Variants in DLG4 observed in about 807,000 individuals in gnomAD.
DLG4 encodes disks large homolog 4.
Under a neutral mutation model 93.8 loss-of-function variants are expected in DLG4, and 7 were observed. The ratio of observed to expected loss-of-function variants is 0.07; its 90% CI spans 0.04 to 0.14. The LOEUF (loss-of-function observed/expected upper bound fraction) is 0.14. DLG4 is among the 10% of genes least tolerant of loss of function. DLG4 has a pLI of 1.00. For synonymous variants in DLG4, 341 were observed against 387.6 expected, an observed-to-expected ratio of 0.88 and a Z score of 1.41; for missense variants, 545 against 992.9, an observed-to-expected ratio of 0.55 and a Z score of 6.06.
In DLG4 at chr17:7,194,448, T is replaced by A; in HGVS notation, c.1349A>T (p.Gln450Leu). Residue 450 changes from glutamine (Q) to leucine (L), a missense_variant, in exon 12 of 20, where the codon CAG becomes CTG. By Grantham distance (113) the Gln-to-Leu change is moderately radical. This residue lies in a region of DLG4 where 428 missense variants were observed against 741.4 expected (regional missense o/e 0.58). Transcript: ENST00000399506. The surrounding 1 kb of genome is among the most constrained non-coding windows in gnomAD (Gnocchi z 4.4). ...ATCCCCAAAGCGGAAGCTCAGGGCC[T>A]GGCTCAGGAAGCCGCAGTCCTTGGT... Reference protein sequence around the residue: ...DKTKDCGFLSQALSFRFGDVL... With the variant: ...DKTKDCGFLSLALSFRFGDVL... 6.2e-7 allele frequency: 1 copy of A among 1,611,648 alleles called. No homozygotes were observed.
In DLG4 at chr17:7,192,932, C is replaced by G; in HGVS notation, c.1866+13G>C. ...GGGAGAAGGAAGAGGACCGGGTGCCCGCCAGGTCCTACCTGCTCTGCCACC... is the reference window on the plus strand; with the variant it reads ...GGGAGAAGGAAGAGGACCGGGTGCCGGCCAGGTCCTACCTGCTCTGCCACC... On this transcript the variant is annotated intron_variant, in intron 17 of 19. Coordinates refer to ENST00000399506, the MANE Select transcript of DLG4 (RefSeq NM_001321075.3). The G allele has an allele frequency of 6.2e-7, 1 of 1,602,196 alleles. No individual in the cohort carries two copies. Among genetic ancestry groups the G allele is most frequent in the Non-Finnish European group, 8.5e-7 (1 of 1,173,948 alleles).
chr17:7,197,191 AG>A, intron 8 of DLG4, 139 bp from the exon 9 acceptor site: 1 of 799,996 alleles, frequency 1.3e-6, no homozygotes, highest in Non-Finnish European at 1.9e-6. Context: ...TGGGGTGGTA[AG>A]GGGATATCAG....
In DLG4 at chr17:7,193,479, T is replaced by C; in HGVS notation, c.1693+4A>G. The C allele has an allele frequency of 6.5e-7, 1 of 1,529,936 alleles. No homozygotes were observed. The highest frequency in any genetic ancestry group is 8.7e-7 in the Non-Finnish European group (1 of 1,144,676). 94.8% of individuals were successfully genotyped at this position (1,529,936 alleles called of 1,614,324 possible). On this transcript the variant is annotated splice_donor_region_variant and intron_variant, in intron 16 of 19. Coordinates refer to ENST00000399506, the MANE Select transcript of DLG4 (RefSeq NM_001321075.3). The surrounding 1 kb of genome is among the most constrained non-coding windows in gnomAD (Gnocchi z 6.7). ...TCTCCTCCATCCAAGGCCCCAGCAC[T>C]CACGGGGAACACAGGATCCAAACTT...
At position 7,188,113 on chromosome 17, in the gene DLG4, C is replaced by A. The variant is rs1044653752; in HGVS notation, c.*2595G>T. Among the ~76,000 whole-genome samples, 4 of 151,874 alleles carry A rather than the reference C, an allele frequency of 2.6e-5. No individual in the cohort carries two copies. The highest frequency in any genetic ancestry group is 9.7e-5 in the African/African-American group (4 of 41,336). Reference sequence around the variant, plus strand: ...AATCCTCTGAAGCAGTGCTTCTCCACCCAGTGAGACATCAAAATCACCCGG... The same window carrying A: ...AATCCTCTGAAGCAGTGCTTCTCCAACCAGTGAGACATCAAAATCACCCGG... On this transcript the variant is annotated 3_prime_UTR_variant, in exon 20 of 20. Coordinates refer to ENST00000399506, the MANE Select transcript of DLG4 (RefSeq NM_001321075.3).
chr17:7,211,796 C>T lies in DLG4; in HGVS notation c.31-3557G>A. 3.3e-5 allele frequency: 2 copies of T among 61,054 alleles called. 1 individual carries two copies. The highest frequency in any genetic ancestry group is 5.9e-5 in the Non-Finnish European group (2 of 33,640). The allele number at this position is 61,054 out of a possible 1,614,324, so 3.8% of individuals were successfully genotyped here. On this transcript the variant is annotated intron_variant, in intron 1 of 19. Coordinates refer to ENST00000399506, the MANE Select transcript of DLG4 (RefSeq NM_001321075.3). ...AGGGGCAGAGGGGCGGGGGCTGCGG[C>T]GGCCGCGGCAACTGGAGGCTGCGGC...
chr17:7,201,555 A>C (rs547455014), intron 8 of DLG4, among the ~76,000 whole-genome samples: 27 of 152,314 alleles, frequency 1.8e-4, no homozygotes, highest in Non-Finnish European at 2.5e-4. Context: ...GAAGAATAAT[A>C]GCAGTGGGAA....
rs2070991076 is a variant in DLG4, at chr17:7,217,621, G to A, written c.-474C>T. On this transcript the variant is annotated 5_prime_UTR_variant, in exon 1 of 20. Coordinates refer to ENST00000399506, the MANE Select transcript of DLG4 (RefSeq NM_001321075.3). ...GTGGAGCCGAAGAGGGAAGGGGAGA[G>A]AGGAGGAGAGAGGAAGCAGGGGGAG... 7.2e-7 allele frequency: 1 copy of A among 1,389,062 alleles called. No homozygotes were observed. Among genetic ancestry groups the A allele is most frequent in the Non-Finnish European group, 9.5e-7 (1 of 1,048,614 alleles). 86.0% of individuals were successfully genotyped at this position (1,389,062 alleles called of 1,614,324 possible).
rs770189492 is a variant in DLG4 at position 7,208,288 on chromosome 17, C to A, written c.31-49G>T. 1 of 1,307,744 alleles carries A rather than the reference C, an allele frequency of 7.6e-7. No homozygotes were observed. Among genetic ancestry groups the A allele is most frequent in the Admixed American group, 3.1e-5 (1 of 32,732 alleles). The allele number at this position is 1,307,744 out of a possible 1,614,324, so 81.0% of individuals were successfully genotyped here. On this transcript the variant is annotated intron_variant, in intron 1 of 19. Transcript: ENST00000399506. This position sits in a 1 kb window ranked among gnomAD's most constrained non-coding sequence, Gnocchi z 5.4. ...ACTGGGGCCAGCCCGGTGCCTCAGGCTCCAGGCTGGCCGCCCTGGCCGCCG... is the reference window on the plus strand; with the variant it reads ...ACTGGGGCCAGCCCGGTGCCTCAGGATCCAGGCTGGCCGCCCTGGCCGCCG...
Position 7,203,910 on chromosome 17 carries a change from G to A in DLG4, c.211-94C>T. The stretch of plus-strand genomic sequence containing the variant: ...AAATGGCTTGGAGCAGCCAGAGGAG[G>A]AAGGCACAGGGTGAGGGGCTAGCCA... On this transcript the variant is annotated intron_variant, in intron 4 of 19. Coordinates refer to ENST00000399506, the MANE Select transcript of DLG4 (RefSeq NM_001321075.3). This position sits in a 1 kb window ranked among gnomAD's most constrained non-coding sequence, Gnocchi z 7.2. The A allele has an allele frequency of 6.3e-7, 1 of 1,589,140 alleles. No individual in the cohort carries two copies.
At position 7,189,111 on chromosome 17, in the gene DLG4, C is replaced by CAAA. The variant is rs542699194; in HGVS notation, c.*1594_*1596dup. 9.5e-5 allele frequency among the ~76,000 whole-genome samples: 6 copies of CAAA among 63,118 alleles called. No homozygotes were observed. The highest frequency in any genetic ancestry group is 6.6e-4 in the East Asian group (1 of 1,516). 41.4% of individuals were successfully genotyped at this position (63,118 alleles called of 152,430 possible). ...TGAGCGAAAGAGCGAAACTCTGTCT[C>CAAA]AAAAAAAAAAAAAAAAGGGTGGGGG... is the stretch of plus-strand genomic sequence containing the variant. On this transcript the variant is annotated 3_prime_UTR_variant, in exon 20 of 20. Transcript: ENST00000399506.
In DLG4 at chr17:7,193,987, C is replaced by G; in HGVS notation, c.1492G>C (p.Glu498Gln). 1 of 1,613,734 alleles carries G rather than the reference C, an allele frequency of 6.2e-7. No homozygotes were observed. The highest frequency in any genetic ancestry group is 8.5e-7 in the Non-Finnish European group (1 of 1,179,812). Residue 498 changes from glutamate to glutamine, a missense_variant, in exon 13 of 20, where the codon GAG (glutamate) becomes CAG (glutamine). Glu to Gln is a conservative substitution (Grantham distance 29, BLOSUM62 2). This residue lies in a region of DLG4 where 428 missense variants were observed against 741.4 expected (regional missense o/e 0.58). Transcript: ENST00000399506. The surrounding 1 kb of genome is among the most constrained non-coding windows in gnomAD (Gnocchi z 6.7). ...ACCTTGGCCTTTAACCTTGACCACTCTCGTCGCTCAACCCTGTGGGATACA... is the reference window on the plus strand; with the variant it reads ...ACCTTGGCCTTTAACCTTGACCACTGTCGTCGCTCAACCCTGTGGGATACA... ...IPSKRRVERR[E>Q]WSRLKAKDWG...
At position 7,193,155 on chromosome 17, in the gene DLG4, A is replaced by C; in HGVS notation, c.1694-38T>G. The stretch of plus-strand genomic sequence containing the variant: ...CACCCCACCCCCCAAAGATCTAACC[A>C]CCATCCCTCTAGCTTAAATCCTGCC... On this transcript the variant is annotated intron_variant, in intron 16 of 19. Transcript: ENST00000399506. This position sits in a 1 kb window ranked among gnomAD's most constrained non-coding sequence, Gnocchi z 6.7. The C allele has an allele frequency of 6.2e-7, 1 of 1,609,310 alleles. No individual in the cohort carries two copies. Among genetic ancestry groups the C allele is most frequent in the South Asian group, 1.1e-5 (1 of 90,722 alleles).
intron 1 of DLG4, chr17:7,213,960 A>G: frequency 2.3e-6 from 1 of 435,134 alleles, no homozygotes; most frequent in Non-Finnish European, 4.9e-6. Context: ...TAGAATAGAA[A>G]ACCTGCAGGC....
At position 7,203,221 on chromosome 17, in the gene DLG4, C is replaced by T. The variant is rs763284124; in HGVS notation, c.614G>A (p.Arg205Lys). 5.0e-6 allele frequency: 8 copies of T among 1,607,926 alleles called. No homozygotes were observed. Among genetic ancestry groups the T allele is most frequent in the Non-Finnish European group, 6.8e-6 (8 of 1,175,094 alleles). The stretch of plus-strand genomic sequence containing the variant: ...CAGGATCTTGTCTCCAATCTGCAAC[C>T]TCCCATCCTTGTGGGCAGCACCCCC... ...IEGGAAHKDG[R>K]LQIGDKILAV... is the part of the protein sequence containing the mutation. Residue 205 changes from arginine to lysine, a missense_variant, in exon 7 of 20, where the codon AGG (arginine) becomes AAG (lysine). Physicochemically the swap from Arg to Lys is conservative, Grantham distance 26. Around this residue, in one of 5 missense-constraint regions of DLG4, gnomAD observed 428 missense variants for 741.4 expected, o/e 0.58. Transcript: ENST00000399506. The surrounding 1 kb of genome is among the most constrained non-coding windows in gnomAD (Gnocchi z 7.2).
At position 7,196,710 on chromosome 17, in the gene DLG4, G is replaced by C; in HGVS notation, c.1083+47C>G. 6.3e-7 allele frequency: 1 copy of C among 1,581,600 alleles called. No homozygotes were observed. Among genetic ancestry groups the C allele is most frequent in the East Asian group, 2.3e-5 (1 of 43,282 alleles). On this transcript the variant is annotated intron_variant, in intron 9 of 19. Coordinates refer to ENST00000399506, the MANE Select transcript of DLG4 (RefSeq NM_001321075.3). The surrounding 1 kb of genome is among the most constrained non-coding windows in gnomAD (Gnocchi z 8.3). ...CCCCTCCCCAAGAGCTCTGCGCTCT[G>C]CCCTGTGGGGAGGGGGTGGTGCAGG...
At chr17:7,207,731 C>T (rs547629784) in intron 2 of DLG4, among the ~76,000 whole-genome samples, 7 of 151,678 alleles carry the variant, frequency 4.6e-5, no homozygotes, top group South Asian at 2.1e-4. Flanking sequence ...GGCGCACGCA[C>T]GCACACACAC....
rs1386258775 is a variant in DLG4 at position 7,193,123 on chromosome 17, AG to A, written c.1694-7del. 5 of 1,613,386 alleles carry A rather than the reference AG, an allele frequency of 3.1e-6. No homozygotes were observed. The highest frequency in any genetic ancestry group is 1.7e-5 in the Admixed American group (1 of 59,970). On this transcript the variant is annotated splice_region_variant and splice_polypyrimidine_tract_variant and intron_variant, in intron 16 of 19. Transcript: ENST00000399506. The surrounding 1 kb of genome is among the most constrained non-coding windows in gnomAD (Gnocchi z 6.7). ...CCGCTTGGGCCGTGTCGTATCTGCC[AG>A]GAAGTCACCCCACCCCCCAAAGATC...
rs62061431 is a variant in DLG4, at chr17:7,193,113, C to G, written c.1698G>C (p.Thr566=). The change falls in exon 17 of 20, where the codon ACG becomes ACC. Residue 566 remains threonine, a synonymous_variant. Transcript: ENST00000399506. This position sits in a 1 kb window ranked among gnomAD's most constrained non-coding sequence, Gnocchi z 6.7. ...PDKFGSCVPH[T]TRPKREYEID... is the part of the protein sequence containing the mutation. Reference sequence around the variant, plus strand: ...TCTCATACTCCCGCTTGGGCCGTGTCGTATCTGCCAGGAAGTCACCCCACC... The same window carrying G: ...TCTCATACTCCCGCTTGGGCCGTGTGGTATCTGCCAGGAAGTCACCCCACC... 1.8e-5 allele frequency: 29 copies of G among 1,613,510 alleles called. No individual in the cohort carries two copies. The highest frequency in any genetic ancestry group is 4.4e-5 in the South Asian group (4 of 91,068).
At chr17:7,204,130 A>C in intron 3 of DLG4, 63 bp from the exon 4 acceptor site, 1 of 1,599,826 alleles carries the variant, frequency 6.3e-7, no homozygotes, top group Non-Finnish European at 8.5e-7. Context: ...CCTGCCCGTC[A>C]TCTGCTGCCC....
Sources: gnomAD v4.1 joint callset for allele counts (sites outside exome capture counted in the v4.1 genomes callset) on GRCh38, gnomAD v4.1.1 for gene constraint, gnomAD v4.1.1 regional missense constraint, Gnocchi (gnomAD v3.1) non-coding constraint, MANE v1.5 for transcripts, NCBI Gene and HGNC (gene_info 2026-07-23, HGNC 2026-07-21) for gene names.